Variants in ASTN1 observed in about 807,000 individuals in gnomAD.
The protein encoded by ASTN1 is astrotactin 1.
ASTN1 carries 41 observed loss-of-function variants against 140.7 expected under a neutral mutation model. The ratio of observed to expected loss-of-function variants is 0.29; its 90% CI spans 0.23 to 0.38. ASTN1 has a LOEUF of 0.38. Among genes scored for constraint, ASTN1 ranks in the 10% least tolerant of loss-of-function variants. ASTN1 has a pLI of 1.00. For missense variants in ASTN1, 1,479 were observed against 1,678.8 expected, an observed-to-expected ratio of 0.88 and a Z score of 2.08; for synonymous variants, 640 against 652.2, an observed-to-expected ratio of 0.98 and a Z score of 0.29.
intron 1 of ASTN1, among the ~76,000 whole-genome samples, chr1:177,087,473 C>T (rs565581891): frequency 6.6e-6 from 1 of 152,126 alleles, no homozygotes; most frequent in Non-Finnish European, 1.5e-5. Flanking sequence ...GAATTCTGCC[C>T]GTTCAGCAAG....
intron 11 of ASTN1, among the ~76,000 whole-genome samples, chr1:176,954,775 G>C (rs902868498): frequency 3.3e-5 from 5 of 152,164 alleles, no homozygotes; most frequent in African/African-American, 1.2e-4. Flanking sequence ...TCAGCAATCC[G>C]TGGCTACTGG....
intron 4 of ASTN1, among the ~76,000 whole-genome samples, chr1:177,030,153 C>A (rs1231657961): frequency 2.6e-5 from 4 of 151,926 alleles, no homozygotes; most frequent in African/African-American, 9.7e-5. Context: ...ATATTTAATA[C>A]AAAAAAGACA....
chr1:177,059,733 T>C (rs1420987037), intron 2 of ASTN1, among the ~76,000 whole-genome samples: 1 of 152,176 alleles, frequency 6.6e-6, no homozygotes, highest in Non-Finnish European at 1.5e-5. Flanking sequence ...ATAATAGGCA[T>C]TCTTCTATGT....
chr1:176,916,648 A>C (rs1309894539), intron 16 of ASTN1, among the ~76,000 whole-genome samples: 2 of 151,994 alleles, frequency 1.3e-5, no homozygotes, highest in Admixed American at 1.3e-4. Context: ...TTTCCACTAG[A>C]CATTTCTTCC....
chr1:176,906,231 G>A (rs1268979621), intron 16 of ASTN1, among the ~76,000 whole-genome samples: 3 of 152,158 alleles, frequency 2.0e-5, no homozygotes, highest in Admixed American at 6.5e-5. Context: ...CTTGGAGACA[G>A]ACTTAGCAGC....
At chr1:177,031,059 A>C in intron 3 of ASTN1, 107 bp from the exon 4 acceptor site, 1 of 1,249,990 alleles carries the variant, frequency 8.0e-7, no homozygotes, top group Non-Finnish European at 1.1e-6. Flanking sequence ...CAGAATTGAA[A>C]TAAGACACCA....
chr1:176,946,678 A>AT (rs1035062348), intron 12 of ASTN1, among the ~76,000 whole-genome samples: 17 of 152,200 alleles, frequency 1.1e-4, no homozygotes, highest in African/African-American at 3.6e-4. Flanking sequence ...ATATCAACCC[A>AT]TAAAAACTCC....
At chr1:177,118,787 G>A (rs1380164105) in intron 1 of ASTN1, among the ~76,000 whole-genome samples, 1 of 152,140 alleles carries the variant, frequency 6.6e-6, no homozygotes, top group Non-Finnish European at 1.5e-5. Context: ...CCCCAGGAAG[G>A]CTTGGGAAAT....
At chr1:177,147,221 A>G (rs959308999) in intron 1 of ASTN1, among the ~76,000 whole-genome samples, 10 of 152,170 alleles carry the variant, frequency 6.6e-5, no homozygotes, top group Non-Finnish European at 1.3e-4. Flanking sequence ...AATAGTTTTC[A>G]CTACAAAGAC....
At chr1:177,134,122 C>T (rs1359736782) in intron 1 of ASTN1, among the ~76,000 whole-genome samples, 1 of 152,156 alleles carries the variant, frequency 6.6e-6, no homozygotes. Flanking sequence ...ATTCATCATT[C>T]CATGTACATA....
chr1:176,876,485 T>G lies in ASTN1; in HGVS notation c.3463+52A>C, dbSNP rs367821951. 3 of 1,580,724 alleles carry G rather than the reference T, an allele frequency of 1.9e-6. No individual in the cohort carries two copies. The East Asian group carries it at 6.7e-5, about 35-fold the overall frequency. On this transcript the variant is annotated intron_variant, in intron 21 of 22. Coordinates refer to ENST00000361833, the MANE Select transcript of ASTN1 (RefSeq NM_004319.3). ...GTCCTTCTGTCCTCATAGCAAGTGG[T>G]GGGTACCTGGGGCATCCCTTCAGAA...
intron 2 of ASTN1, among the ~76,000 whole-genome samples, chr1:177,041,096 G>C (rs1409007911): frequency 6.6e-6 from 1 of 152,112 alleles, no homozygotes; most frequent in Non-Finnish European, 1.5e-5. Flanking sequence ...AGCAGGGCTG[G>C]GTGAAGCAGG....
intron 1 of ASTN1, among the ~76,000 whole-genome samples, chr1:177,088,792 T>C (rs1558086983): frequency 6.6e-6 from 1 of 152,212 alleles, no homozygotes; most frequent in Non-Finnish European, 1.5e-5. Flanking sequence ...CAGTGCTTTT[T>C]CCAATTCATA....
At chr1:177,075,354 G>C (rs1420311074) in intron 1 of ASTN1, among the ~76,000 whole-genome samples, 1 of 151,496 alleles carries the variant, frequency 6.6e-6, no homozygotes, top group Non-Finnish European at 1.5e-5. Context: ...TTACAGGCAT[G>C]AGCCACTGCG....
At chr1:176,951,953 T>C (rs1571558197) in intron 11 of ASTN1, among the ~76,000 whole-genome samples, 1 of 152,152 alleles carries the variant, frequency 6.6e-6, no homozygotes, top group Admixed American at 6.5e-5. Flanking sequence ...AAAATTAGAC[T>C]CAGAAAGATG....
At chr1:176,917,685 G>A (rs998202870) in intron 16 of ASTN1, among the ~76,000 whole-genome samples, 3 of 152,146 alleles carry the variant, frequency 2.0e-5, no homozygotes, top group Admixed American at 1.3e-4. Flanking sequence ...AGAGAGGGCC[G>A]CAGTGCAAGG....
At chr1:176,973,486 T>G (rs1264991854) in intron 8 of ASTN1, among the ~76,000 whole-genome samples, 1 of 152,202 alleles carries the variant, frequency 6.6e-6, no homozygotes, top group Non-Finnish European at 1.5e-5. Flanking sequence ...CACAGATGAA[T>G]GCAGTTGGCC....
rs1676716307 is a variant in ASTN1 at position 177,036,262 on chromosome 1, G to T, written c.472-3413C>A. On this transcript the variant is annotated intron_variant, in intron 2 of 22. Transcript: ENST00000361833. The stretch of plus-strand genomic sequence containing the variant: ...ACGGGGTTTCTCCATGTTGAGGCTG[G>T]TCTCAAACTCCTGACCTCAGGTGAT... 2.0e-5 allele frequency among the ~76,000 whole-genome samples: 3 copies of T among 151,792 alleles called. No individual in the cohort carries two copies. The South Asian group carries it at 6.3e-4, about 32-fold the overall frequency.
intron 12 of ASTN1, among the ~76,000 whole-genome samples, chr1:176,948,981 G>C (rs965315901): frequency 6.6e-6 from 1 of 152,128 alleles, no homozygotes; most frequent in African/African-American, 2.4e-5. Flanking sequence ...ATAGGGGCTG[G>C]ACTAGACTTA....
Sources: gnomAD v4.1 joint callset for allele counts (sites outside exome capture counted in the v4.1 genomes callset) on GRCh38, gnomAD v4.1.1 for gene constraint, MANE v1.5 for transcripts, NCBI Gene and HGNC (gene_info 2026-07-23, HGNC 2026-07-21) for gene names.